KIAA1549L: variants seen among roughly 807,000 people sequenced by gnomAD.
The protein encoded by KIAA1549L is UPF0606 protein KIAA1549L.
KIAA1549L carries 88 observed loss-of-function variants against 160.7 expected under a neutral mutation model. The observed-to-expected ratio is 0.55, with a 90% CI of 0.46 to 0.65. The LOEUF is 0.65. KIAA1549L is among the 30% of genes least tolerant of loss of function. KIAA1549L has a pLI of 0.00. For synonymous variants in KIAA1549L, 950 were observed against 976.7 expected, an observed-to-expected ratio of 0.97 and a Z score of 0.51; for missense variants, 2,258 against 2,437.5, an observed-to-expected ratio of 0.93 and a Z score of 1.55.
intron 1 of KIAA1549L, among the ~76,000 whole-genome samples, chr11:33,419,092 C>T (rs754141468): frequency 4.2e-4 from 64 of 151,976 alleles, no homozygotes; most frequent in Non-Finnish European, 3.2e-4. Context: ...AGGCTGGTCT[C>T]GAACTCCTGA....
chr11:33,551,982 C>A, intron 5 of KIAA1549L, 126 bp from the exon 6 acceptor site: 1 of 1,034,406 alleles, frequency 9.7e-7, no homozygotes, highest in Non-Finnish European at 1.4e-6. Flanking sequence ...CCTTGTCTGG[C>A]CTTATTATTT....
chr11:33,384,556 G>A (rs1850134692), intron 1 of KIAA1549L, among the ~76,000 whole-genome samples: 1 of 152,182 alleles, frequency 6.6e-6, no homozygotes, highest in South Asian at 2.1e-4. Context: ...ATTCTCATTA[G>A]CAATGTATGA....
At chr11:33,430,047 C>CT (rs1341169100) in intron 1 of KIAA1549L, among the ~76,000 whole-genome samples, 12 of 150,726 alleles carry the variant, frequency 8.0e-5, no homozygotes, top group African/African-American at 1.2e-4. Context: ...TCCTTCCTTC[C>CT]TCCCTTCCCT....
intron 1 of KIAA1549L, among the ~76,000 whole-genome samples, chr11:33,441,389 A>G (rs1277492750): frequency 1.3e-5 from 2 of 151,862 alleles, no homozygotes; most frequent in Non-Finnish European, 2.9e-5. Flanking sequence ...ATATGTGTGC[A>G]TGTGTCTTTA....
At chr11:33,629,789 G>A (rs544729311) in intron 16 of KIAA1549L, among the ~76,000 whole-genome samples, 2 of 150,774 alleles carry the variant, frequency 1.3e-5, no homozygotes, top group East Asian at 1.9e-4. Context: ...CTCTCAGCTC[G>A]TCAAAGTCAT....
At position 33,668,192 on chromosome 11, in the gene KIAA1549L, G is replaced by A. The variant is rs1330083120; in HGVS notation, c.*38G>A. On this transcript the variant is annotated 3_prime_UTR_variant, in exon 21 of 21. Coordinates refer to ENST00000658780, the MANE Select transcript of KIAA1549L (RefSeq NM_012194.3). Reference sequence around the variant, plus strand: ...GTGGGACTCTGGACTTCCAAACTCTGAGGACTCAGCCTTTGGGTTTCCCAT... The same window carrying A: ...GTGGGACTCTGGACTTCCAAACTCTAAGGACTCAGCCTTTGGGTTTCCCAT... The A allele has an allele frequency of 1.9e-6, 3 of 1,586,608 alleles. No homozygotes were observed. The highest frequency in any genetic ancestry group is 2.3e-5 in the East Asian group (1 of 44,024).
At chr11:33,433,454 G>A (rs543897002) in intron 1 of KIAA1549L, among the ~76,000 whole-genome samples, 1 of 152,216 alleles carries the variant, frequency 6.6e-6, no homozygotes, top group African/African-American at 2.4e-5. Flanking sequence ...TGCTGGTGAG[G>A]TTGTGGAGAA....
chr11:33,542,659 C>T lies in KIAA1549L; in HGVS notation c.1096C>T (p.Gln366Ter). ...PPPPALGSLL[Q>*]LPDGSPSWSM... ...TCCCCCAGCACTTGGAAGTCTTCTT[C>T]AGCTTCCAGATGGAAGCCCCTCATG... Residue 366 changes from glutamine (Q) to a stop codon, truncating the protein, a stop_gained, in exon 2 of 21, where the codon CAG (glutamine) becomes TAG (stop). Transcript: ENST00000658780. LOFTEE classifies it high-confidence loss of function. The T allele has an allele frequency of 6.2e-7, 1 of 1,613,856 alleles. No homozygotes were observed. Among genetic ancestry groups the T allele is most frequent in the Non-Finnish European group, 8.5e-7 (1 of 1,179,842 alleles).
chr11:33,520,034 A>G (rs1853442008), intron 1 of KIAA1549L, among the ~76,000 whole-genome samples: 1 of 151,898 alleles, frequency 6.6e-6, no homozygotes, highest in African/African-American at 2.4e-5. Flanking sequence ...GTGTTTGGAA[A>G]TAGGTATACC....
At chr11:33,382,487 T>A (rs934775044) in intron 1 of KIAA1549L, among the ~76,000 whole-genome samples, 2 of 152,080 alleles carry the variant, frequency 1.3e-5, no homozygotes, top group African/African-American at 4.8e-5. Context: ...ACAATTCTTA[T>A]GAAGTTTTTT....
intron 11 of KIAA1549L, among the ~76,000 whole-genome samples, chr11:33,586,515 G>A (rs1158865393): frequency 6.6e-6 from 1 of 152,118 alleles, no homozygotes; most frequent in African/African-American, 2.4e-5. Context: ...GTCATTGGAT[G>A]TACAGCCATT....
At chr11:33,590,510 A>G (rs1328022913) in intron 11 of KIAA1549L, among the ~76,000 whole-genome samples, 1 of 152,204 alleles carries the variant, frequency 6.6e-6, no homozygotes, top group Non-Finnish European at 1.5e-5. Flanking sequence ...GAGCTGCCTT[A>G]TGCACTTGGG....
At chr11:33,559,040 G>A (rs1854749334) in intron 6 of KIAA1549L, among the ~76,000 whole-genome samples, 1 of 151,970 alleles carries the variant, frequency 6.6e-6, no homozygotes, top group Non-Finnish European at 1.5e-5. Context: ...GTTTCGCTAT[G>A]TTGGCCAGGC....
At chr11:33,589,225 C>A (rs1849972298) in intron 11 of KIAA1549L, among the ~76,000 whole-genome samples, 1 of 152,134 alleles carries the variant, frequency 6.6e-6, no homozygotes, top group African/African-American at 2.4e-5. Flanking sequence ...CATCTCACAC[C>A]AGTTAGAATG....
chr11:33,580,417 T>TA (rs367650073), intron 10 of KIAA1549L, among the ~76,000 whole-genome samples: 170 of 151,214 alleles, frequency 1.1e-3, no homozygotes, highest in African/African-American at 2.6e-3. Flanking sequence ...CTACTAAAAA[T>TA]AAAAAAATTA....
chr11:33,560,968 T>C (rs1854838533), intron 7 of KIAA1549L, among the ~76,000 whole-genome samples: 2 of 152,038 alleles, frequency 1.3e-5, no homozygotes. Context: ...GTGAAGACTT[T>C]ATTTTCCATC....
intron 1 of KIAA1549L, among the ~76,000 whole-genome samples, chr11:33,424,119 A>G (rs1590234437): frequency 1.3e-5 from 2 of 152,220 alleles, no homozygotes; most frequent in Non-Finnish European, 2.9e-5. Context: ...AATCAAAGCA[A>G]TGGCTAGCAA....
intron 1 of KIAA1549L, among the ~76,000 whole-genome samples, chr11:33,484,331 G>A (rs966545759): frequency 2.6e-5 from 4 of 152,070 alleles, no homozygotes; most frequent in Non-Finnish European, 5.9e-5. Context: ...CAGTATCACC[G>A]CCTTTGTTTT....
At chr11:33,610,571 A>T (rs557380438) in intron 15 of KIAA1549L, among the ~76,000 whole-genome samples, 1 of 152,350 alleles carries the variant, frequency 6.6e-6, no homozygotes, top group South Asian at 2.1e-4. Flanking sequence ...TGGACAAGAC[A>T]GTCCTATTGC....
Sources: gnomAD v4.1 joint callset for allele counts (sites outside exome capture counted in the v4.1 genomes callset) on GRCh38, gnomAD v4.1.1 for gene constraint, MANE v1.5 for transcripts, NCBI Gene and HGNC (gene_info 2026-07-23, HGNC 2026-07-21) for gene names.